The following MSX2 variants were observed in gnomAD, a reference collection of about 807,000 sequenced individuals.
The protein encoded by MSX2 is homeobox protein MSX-2.
A neutral mutation model predicts 18.4 loss-of-function variants in MSX2; 10 were observed. The ratio of observed to expected loss-of-function variants is 0.54; its 90% CI spans 0.34 to 0.92. The LOEUF is 0.92. MSX2 is among the 40% of genes least tolerant of loss of function. The pLI, the probability that MSX2 is intolerant of heterozygous loss-of-function variation, is 0.02. For missense variants in MSX2, 339 were observed against 364.0 expected (o/e 0.93, Z 0.56); for synonymous variants, 170 against 165.6 (o/e 1.03, Z -0.20).
In MSX2 at chr5:174,729,861, A is replaced by G. The variant is rs1760888869; in HGVS notation, c.*278A>G. 6.1e-6 allele frequency: 1 copy of G among 163,488 alleles called. No homozygotes were observed. Among genetic ancestry groups the G allele is most frequent in the Non-Finnish European group, 1.3e-5 (1 of 76,744 alleles). 10.1% of individuals were successfully genotyped at this position (163,488 alleles called of 1,614,324 possible). A position where few individuals can be genotyped will look rare whatever the true frequency, so the allele number is the denominator to read the frequency against. ...TATGTATAAATATATATATATAATA[A>G]AATATAATACATTTTTATACAGCAG... is the stretch of plus-strand genomic sequence containing the variant. On this transcript the variant is annotated 3_prime_UTR_variant, in exon 2 of 2. Transcript: ENST00000239243.
chr5:174,725,091 C>T (rs961624629), intron 1 of MSX2, 53 bp downstream of exon 1: 2 of 1,594,808 alleles, frequency 1.3e-6, no homozygotes, highest in East Asian at 2.3e-5. Flanking sequence ...CTGGAGGGAG[C>T]GGGGGGCGGG....
chr5:174,724,670 C>T lies in MSX2; in HGVS notation c.11C>T (p.Pro4Leu), dbSNP rs776192704. The T allele has an allele frequency of 8.2e-6, 13 of 1,591,646 alleles. No homozygotes were observed. The highest frequency in any genetic ancestry group is 8.0e-5 in the South Asian group (7 of 87,874). MASPSKGNDLFSPD... is the reference protein window; with the variant it reads MASLSKGNDLFSPD... ...TAGGGCAGAGAAGTCATGGCTTCTC[C>T]GTCCAAAGGCAATGACTTGTTTTCG... The change falls in exon 1 of 2, where the codon CCG becomes CTG. Residue 4 changes from proline (P) to leucine (L), a missense_variant. Physicochemically the swap from Pro to Leu is moderately conservative, Grantham distance 98. Around this residue, in one of 2 missense-constraint regions of MSX2, gnomAD observed 211 missense variants for 185.4 expected, o/e 1.14. Transcript: ENST00000239243.
chr5:174,725,371 C>T (rs906255095), intron 1 of MSX2, among the ~76,000 whole-genome samples: 2 of 152,160 alleles, frequency 1.3e-5, no homozygotes, highest in African/African-American at 4.8e-5. Flanking sequence ...GCTCTGGCCA[C>T]TTGGCTTGTT....
In MSX2 at chr5:174,729,409, G is replaced by A. The variant is rs759131123; in HGVS notation, c.630G>A (p.Met210Ile). ...AGGCAGAACTGGAAAAGCTGAAAAT[G>A]GCTGCAAAACCTATGCTGCCCTCCA... The part of the protein sequence containing the change: ...LQEAELEKLK[M>I]AAKPMLPSSF... Residue 210 changes from methionine (M) to isoleucine (I), a missense_variant, in exon 2 of 2, where the codon ATG becomes ATA. Coordinates refer to ENST00000239243, the MANE Select transcript of MSX2 (RefSeq NM_002449.5). The A allele has an allele frequency of 6.2e-7, 1 of 1,614,184 alleles. No individual in the cohort carries two copies. Among genetic ancestry groups the A allele is most frequent in the Non-Finnish European group, 8.5e-7 (1 of 1,180,034 alleles).
At position 174,725,051 on chromosome 5, in the gene MSX2, C is replaced by T. The variant is rs774294067; in HGVS notation, c.379+13C>T. 1.9e-6 allele frequency: 3 copies of T among 1,609,182 alleles called. No individual in the cohort carries two copies. The highest frequency in any genetic ancestry group is 2.7e-5 in the African/African-American group (2 of 75,054). ...TCGCCGCCGCCAAGTGAGTGCGCGC[C>T]GGGGCAGGAGTAGGAGGTAGCGCGG... On this transcript the variant is annotated intron_variant, in intron 1 of 1. Coordinates refer to ENST00000239243, the MANE Select transcript of MSX2 (RefSeq NM_002449.5).
intron 1 of MSX2, 64 bp from the exon 2 acceptor site, chr5:174,729,094 GT>G (rs4647948): frequency 9.1e-6 from 14 of 1,532,464 alleles, no homozygotes; most frequent in South Asian, 2.3e-5. Context: ...GGGGAGATGG[GT>G]TTTTTTTAGT....
Position 174,724,876 on chromosome 5 carries a change from G to A in MSX2, c.217G>A (p.Gly73Arg), listed in dbSNP as rs1279326834. The A allele has an allele frequency of 1.9e-6, 3 of 1,557,834 alleles. No individual in the cohort carries two copies. Among genetic ancestry groups the A allele is most frequent in the Non-Finnish European group, 2.6e-6 (3 of 1,151,274 alleles). ...SPLPAESASAGATLRPLLLSG... is the reference protein window; with the variant it reads ...SPLPAESASARATLRPLLLSG... The stretch of plus-strand genomic sequence containing the variant: ...GCTGCCGGCCGAAAGCGCCTCGGCC[G>A]GGGCCACCCTGCGGCCACTGCTGCT... Residue 73 changes from glycine to arginine, a missense_variant, in exon 1 of 2, where the codon GGG (glycine) becomes AGG (arginine). By Grantham distance (125) the Gly-to-Arg change is moderately radical (BLOSUM62 -2). This residue lies in a region of MSX2 where 211 missense variants were observed against 185.4 expected (regional missense o/e 1.14). Coordinates refer to ENST00000239243, the MANE Select transcript of MSX2 (RefSeq NM_002449.5).
In MSX2 at chr5:174,724,585, G is replaced by T; in HGVS notation, c.-75G>T. On this transcript the variant is annotated 5_prime_UTR_variant, in exon 1 of 2. Coordinates refer to ENST00000239243, the MANE Select transcript of MSX2 (RefSeq NM_002449.5). Reference sequence around the variant, plus strand: ...CCAGCGCGCCCCTCCCGTCTCCGCAGCAAAAAAGTTTGAGTCGCCGCTGCC... The same window carrying T: ...CCAGCGCGCCCCTCCCGTCTCCGCATCAAAAAAGTTTGAGTCGCCGCTGCC... 6.5e-7 allele frequency: 1 copy of T among 1,537,088 alleles called. No individual in the cohort carries two copies. Among genetic ancestry groups the T allele is most frequent in the South Asian group, 1.2e-5 (1 of 83,518 alleles).
In MSX2 at chr5:174,729,411, C is replaced by G. The variant is rs767161367; in HGVS notation, c.632C>G (p.Ala211Gly). 6.2e-6 allele frequency: 10 copies of G among 1,614,194 alleles called. No homozygotes were observed. Among genetic ancestry groups the G allele is most frequent in the Non-Finnish European group, 7.6e-6 (9 of 1,180,028 alleles). The change falls in exon 2 of 2, where the codon GCT becomes GGT. Residue 211 changes from alanine to glycine, a missense_variant. Coordinates refer to ENST00000239243, the MANE Select transcript of MSX2 (RefSeq NM_002449.5). ...GCAGAACTGGAAAAGCTGAAAATGGCTGCAAAACCTATGCTGCCCTCCAGC... is the reference window on the plus strand; with the variant it reads ...GCAGAACTGGAAAAGCTGAAAATGGGTGCAAAACCTATGCTGCCCTCCAGC... ...QEAELEKLKM[A>G]AKPMLPSSFS...
chr5:174,725,128 C>A, intron 1 of MSX2, 90 bp downstream of exon 1: 1 of 1,530,522 alleles, frequency 6.5e-7, no homozygotes, highest in Non-Finnish European at 8.8e-7. Flanking sequence ...GTACCGAGAC[C>A]CTTCTGCGTG....
rs2890849 is a variant in MSX2, at chr5:174,730,759, G to C, written c.*1176G>C. Reference sequence around the variant, plus strand: ...TGGTATTTCACCTTCCTGTCCATCTGTCCCCTCCCTCCGGTATACCTTTAT... The same window carrying C: ...TGGTATTTCACCTTCCTGTCCATCTCTCCCCTCCCTCCGGTATACCTTTAT... On this transcript the variant is annotated 3_prime_UTR_variant, in exon 2 of 2. Transcript: ENST00000239243. The C allele has an allele frequency of 0.8, 122,280 of 152,444 alleles. 49,905 individuals are homozygous for C. Among genetic ancestry groups the C allele is most frequent in the East Asian group, 0.98 (5,104 of 5,184 alleles). 9.4% of individuals were successfully genotyped at this position (152,444 alleles called of 1,614,324 possible).
chr5:174,724,924 G>T lies in MSX2; in HGVS notation c.265G>T (p.Ala89Ser). Residue 89 changes from alanine to serine, a missense_variant, in exon 1 of 2, where the codon GCG becomes TCG. By Grantham distance (99) the Ala-to-Ser change is moderately conservative (BLOSUM62 1). Coordinates refer to ENST00000239243, the MANE Select transcript of MSX2 (RefSeq NM_002449.5). ...LLLSGHGAREAHSPGPLVKPF... is the reference protein window; with the variant it reads ...LLLSGHGARESHSPGPLVKPF... ...GCTGTCGGGGCACGGCGCTCGGGAA[G>T]CGCACAGCCCCGGGCCGCTGGTGAA... The T allele has an allele frequency of 6.3e-7, 1 of 1,580,738 alleles. No homozygotes were observed. Among genetic ancestry groups the T allele is most frequent in the Non-Finnish European group, 8.6e-7 (1 of 1,165,662 alleles).
intron 1 of MSX2, among the ~76,000 whole-genome samples, chr5:174,725,609 GCACCAGGGA>G (rs1760777566): frequency 2.1e-5 from 1 of 47,980 alleles, no homozygotes; most frequent in Non-Finnish European, 8.7e-5. Context: ...AGGGATGGTG[GCACCAGGGA>G]TGGTGGCATC....
At chr5:174,727,035 T>G (rs2113495321) in intron 1 of MSX2, among the ~76,000 whole-genome samples, 1 of 150,986 alleles carries the variant, frequency 6.6e-6, no homozygotes, top group African/African-American at 2.4e-5. Context: ...TCTGCACATG[T>G]ATCCCGGAAC....
rs777537313 is a variant in MSX2 at position 174,725,015 on chromosome 5, C to T, written c.356C>T (p.Pro119Leu). The T allele has an allele frequency of 1.2e-5, 20 of 1,610,766 alleles. No homozygotes were observed. Among genetic ancestry groups the T allele is most frequent in the Non-Finnish European group, 1.7e-5 (20 of 1,179,506 alleles). ...SEDGAAWMQE[P>L]GRYSPPPRHM... is the part of the protein sequence containing the mutation. Reference sequence around the variant, plus strand: ...GATGGAGCGGCGTGGATGCAGGAACCCGGCCGATATTCGCCGCCGCCAAGT... The same window carrying T: ...GATGGAGCGGCGTGGATGCAGGAACTCGGCCGATATTCGCCGCCGCCAAGT... The change falls in exon 1 of 2, where the codon CCC (proline) becomes CTC (leucine). Residue 119 changes from proline (P) to leucine (L), a missense_variant. Physicochemically the swap from Pro to Leu is moderately conservative, Grantham distance 98. Transcript: ENST00000239243.
rs527786984 is a variant in MSX2, at chr5:174,724,856, C to T, written c.197C>T (p.Pro66Leu). The T allele has an allele frequency of 2.6e-6, 4 of 1,552,724 alleles. No homozygotes were observed. The highest frequency in any genetic ancestry group is 3.5e-6 in the Non-Finnish European group (4 of 1,148,618). Reference sequence around the variant, plus strand: ...CCGCCCAAGGAGGCGTCCCCGCTGCCGGCCGAAAGCGCCTCGGCCGGGGCC... The same window carrying T: ...CCGCCCAAGGAGGCGTCCCCGCTGCTGGCCGAAAGCGCCTCGGCCGGGGCC... ...KKPPKEASPLPAESASAGATL... is the reference protein window; with the variant it reads ...KKPPKEASPLLAESASAGATL... The change falls in exon 1 of 2, where the codon CCG (proline) becomes CTG (leucine). Residue 66 changes from proline to leucine, a missense_variant. Transcript: ENST00000239243.
rs780693712 is a variant in MSX2 at position 174,729,220 on chromosome 5, G to T, written c.441G>T (p.Thr147=). 79 of 1,613,968 alleles carry T rather than the reference G, an allele frequency of 4.9e-5. No homozygotes were observed. The highest frequency in any genetic ancestry group is 6.4e-5 in the Non-Finnish European group (75 of 1,180,042). The part of the protein sequence containing the change: ...RKHKTNRKPR[T]PFTTSQLLAL... ...ACAAGACCAATCGGAAGCCGCGCAC[G>T]CCCTTTACCACATCCCAGCTCCTCG... The change falls in exon 2 of 2, where the codon ACG becomes ACT. Residue 147 remains threonine (T), a synonymous_variant. Transcript: ENST00000239243.
In MSX2 at chr5:174,724,871, C is replaced by G. The variant is rs1392292724; in HGVS notation, c.212C>G (p.Ser71Trp). 1 of 1,555,686 alleles carries G rather than the reference C, an allele frequency of 6.4e-7. No homozygotes were observed. Among genetic ancestry groups the G allele is most frequent in the Admixed American group, 2.0e-5 (1 of 50,964 alleles). Residue 71 changes from serine (S) to tryptophan (W), a missense_variant, in exon 1 of 2, where the codon TCG (serine) becomes TGG (tryptophan). By Grantham distance (177) the Ser-to-Trp change is radical (BLOSUM62 -3). Transcript: ENST00000239243. ...TCCCCGCTGCCGGCCGAAAGCGCCTCGGCCGGGGCCACCCTGCGGCCACTG... is the reference window on the plus strand; with the variant it reads ...TCCCCGCTGCCGGCCGAAAGCGCCTGGGCCGGGGCCACCCTGCGGCCACTG... ...EASPLPAESA[S>W]AGATLRPLLL...
rs949600831 is a variant in MSX2 at position 174,729,855 on chromosome 5, A to G, written c.*272A>G. The G allele has an allele frequency of 6.1e-6, 1 of 164,038 alleles. No homozygotes were observed. Among genetic ancestry groups the G allele is most frequent in the Non-Finnish European group, 1.3e-5 (1 of 77,116 alleles). The allele number at this position is 164,038 out of a possible 1,614,324, so 10.2% of individuals were successfully genotyped here. A position where few individuals can be genotyped will look rare whatever the true frequency, so the allele number is the denominator to read the frequency against. On this transcript the variant is annotated 3_prime_UTR_variant, in exon 2 of 2. Coordinates refer to ENST00000239243, the MANE Select transcript of MSX2 (RefSeq NM_002449.5). Reference sequence around the variant, plus strand: ...GGTTTTTATGTATAAATATATATATATAATAAAATATAATACATTTTTATA... The same window carrying G: ...GGTTTTTATGTATAAATATATATATGTAATAAAATATAATACATTTTTATA...
Sources: gnomAD v4.1 joint callset for allele counts (sites outside exome capture counted in the v4.1 genomes callset) on GRCh38, gnomAD v4.1.1 for gene constraint, gnomAD v4.1.1 regional missense constraint, MANE v1.5 for transcripts, NCBI Gene and HGNC (gene_info 2026-07-23, HGNC 2026-07-21) for gene names.